The following GNAL variants were observed in gnomAD, a reference collection of about 807,000 sequenced individuals.
GNAL encodes G protein subunit alpha L.
Under a neutral mutation model 55.1 loss-of-function variants are expected in GNAL, and 18 were observed. The observed-to-expected ratio is 0.33, with a 90% confidence interval of 0.23 to 0.48. The LOEUF (loss-of-function observed/expected upper bound fraction) is 0.48, where lower values mean the gene tolerates loss of function less well. Among genes scored for constraint, GNAL ranks in the 20% least tolerant of loss-of-function variants. The pLI is 0.99. For synonymous variants in GNAL, 253 were observed against 237.0 expected (o/e 1.07, Z -0.62); for missense variants, 412 against 614.1 (o/e 0.67, Z 3.48).
At chr18:11,867,049 T>C in intron 7 of GNAL, 119 bp from the exon 8 acceptor site, 2 of 775,608 alleles carry the variant, frequency 2.6e-6, no homozygotes, top group East Asian at 5.2e-5. Context: ...TGACCCGAGC[T>C]TGACTCAAGA....
chr18:11,780,347 A>C (rs758377665), intron 4 of GNAL, among the ~76,000 whole-genome samples: 8 of 151,516 alleles, frequency 5.3e-5, no homozygotes, highest in Non-Finnish European at 1.0e-4. Flanking sequence ...GCAAATATCC[A>C]AGTTTGTTTT....
chr18:11,852,892 C>T (rs1017841468), intron 5 of GNAL: 1 of 166,912 alleles, frequency 6.0e-6, no homozygotes, highest in Non-Finnish European at 1.5e-5. Context: ...CTTAGTGTGA[C>T]ATTTGACAGT....
At chr18:11,766,332 CTG>C (rs1167389874) in intron 4 of GNAL, among the ~76,000 whole-genome samples, 2 of 152,184 alleles carry the variant, frequency 1.3e-5, no homozygotes, top group Admixed American at 1.3e-4. Flanking sequence ...ATTAAATCAA[CTG>C]TATGCATAAC....
Position 11,884,188 on chromosome 18 carries a change from C to T in GNAL, c.*3053C>T. The T allele has an allele frequency of 2.2e-6, 1 of 448,246 alleles. No individual in the cohort carries two copies. Among genetic ancestry groups the T allele is most frequent in the Non-Finnish European group, 4.1e-6 (1 of 244,508 alleles). 27.8% of individuals were successfully genotyped at this position (448,246 alleles called of 1,614,324 possible). A position where few individuals can be genotyped will look rare whatever the true frequency, so the allele number is the denominator to read the frequency against. ...ACATTAATAGCATTTACATACTGTA[C>T]AGATGCAACCTTTGATGATACATAT... On this transcript the variant is annotated 3_prime_UTR_variant, in exon 12 of 12. Coordinates refer to ENST00000334049, the MANE Select transcript of GNAL (RefSeq NM_182978.4).
chr18:11,862,284 T>C (rs1373918043), intron 5 of GNAL, 111 bp from the exon 6 acceptor site: 3 of 726,370 alleles, frequency 4.1e-6, no homozygotes, highest in Non-Finnish European at 7.4e-6. Context: ...TTCAGCTTCT[T>C]GGCCTGCCCC....
rs564883870 is a variant in GNAL, at chr18:11,715,266, T to C, written c.376+25327T>C. Among the ~76,000 whole-genome samples, 98 of 150,804 alleles carry C rather than the reference T, an allele frequency of 6.5e-4. 1 individual carries two copies. The South Asian group carries it at 0.02, about 30-fold the overall frequency. On this transcript the variant is annotated intron_variant, in intron 1 of 11. Transcript: ENST00000334049. Reference sequence around the variant, plus strand: ...CAAGGTCAGGAGATCGAGACCATCCTGGCTAACACGGTGAAACCCTGTCTC... The same window carrying C: ...CAAGGTCAGGAGATCGAGACCATCCCGGCTAACACGGTGAAACCCTGTCTC...
intron 5 of GNAL, among the ~76,000 whole-genome samples, chr18:11,855,013 C>T (rs2143803335): frequency 6.6e-6 from 1 of 151,880 alleles, no homozygotes; most frequent in East Asian, 1.9e-4. Flanking sequence ...CTCCACCTCC[C>T]AGGTTCTAGC....
intron 10 of GNAL, among the ~76,000 whole-genome samples, chr18:11,874,745 G>A (rs2036489615): frequency 6.7e-6 from 1 of 149,044 alleles, no homozygotes; most frequent in Non-Finnish European, 1.5e-5. Flanking sequence ...AAATGACATG[G>A]GCGCTCCCCA....
intron 1 of GNAL, among the ~76,000 whole-genome samples, chr18:11,735,090 A>T (rs1017556372): frequency 1.3e-5 from 2 of 151,172 alleles, no homozygotes; most frequent in Non-Finnish European, 2.9e-5. Flanking sequence ...CGCCCTTATC[A>T]CCCAGGTTAT....
At chr18:11,876,375 A>T (rs1490061224) in intron 10 of GNAL, among the ~76,000 whole-genome samples, 1 of 152,124 alleles carries the variant, frequency 6.6e-6, no homozygotes. Flanking sequence ...AGGTGGGAGA[A>T]TCACTTGAAC....
In GNAL at chr18:11,747,911, T is replaced by C. The variant is rs149525120; in HGVS notation, c.377-4942T>C. Among the ~76,000 whole-genome samples the C allele has an allele frequency of 1.4e-4, 21 of 152,096 alleles. No homozygotes were observed. In the East Asian group the frequency reaches 4.1e-3, roughly 30 times the overall value. On this transcript the variant is annotated intron_variant, in intron 1 of 11. Coordinates refer to ENST00000334049, the MANE Select transcript of GNAL (RefSeq NM_182978.4). ...GCAGCCCTGGGTCCCCGCAGGTGGG[T>C]GTGTTGCCGGGGAGCGCAATGCTGC...
chr18:11,697,582 T>C (rs1271789716), intron 1 of GNAL, among the ~76,000 whole-genome samples: 1 of 147,012 alleles, frequency 6.8e-6, no homozygotes, highest in Non-Finnish European at 1.5e-5. Flanking sequence ...GAGAGAGAGA[T>C]GTGAGGAGGC....
At chr18:11,810,752 T>G (rs1247372166) in intron 4 of GNAL, 1 of 152,488 alleles carries the variant, frequency 6.6e-6, no homozygotes, top group African/African-American at 2.4e-5. Context: ...CTGTGGCATA[T>G]TTTTCCTAGT....
In GNAL at chr18:11,852,606, G is replaced by T. The variant is rs565943555; in HGVS notation, c.723-9789G>T. The stretch of plus-strand genomic sequence containing the variant: ...TATTTCTGTTTATCCTTTGGGTTTT[G>T]GTTTTTGTTTTTTTTTTTTTTGCCT... On this transcript the variant is annotated intron_variant, in intron 5 of 11. Coordinates refer to ENST00000334049, the MANE Select transcript of GNAL (RefSeq NM_182978.4). 150 of 58,606 alleles carry T rather than the reference G, an allele frequency of 2.6e-3. 1 individual carries two copies. The highest frequency in any genetic ancestry group is 9.3e-3 in the African/African-American group (115 of 12,370). The allele number at this position is 58,606 out of a possible 1,614,324, so 3.6% of individuals were successfully genotyped here.
intron 1 of GNAL, 21 bp downstream of exon 1, chr18:11,689,960 C>T: frequency 8.0e-7 from 1 of 1,251,046 alleles, no homozygotes. Context: ...GCCGCGAGGT[C>T]GGCTGACGCC....
chr18:11,689,623 C>T lies in GNAL; in HGVS notation c.60C>T (p.Cys20=), dbSNP rs954433506. The change falls in exon 1 of 12, where the codon TGC becomes TGT. Residue 20 remains cysteine (C), a synonymous_variant. Coordinates refer to ENST00000334049, the MANE Select transcript of GNAL (RefSeq NM_182978.4). ...TCGGGGGCCCAGGGGACGACCCCTG[C>T]GCGGCCTCGGAGCCGCCGGTGGAGG... is the stretch of plus-strand genomic sequence containing the variant. The part of the protein sequence containing the change: ...LLFGGPGDDP[C]AASEPPVEDA... The T allele has an allele frequency of 1.5e-4, 209 of 1,359,056 alleles. No homozygotes were observed. The highest frequency in any genetic ancestry group is 1.9e-4 in the Non-Finnish European group (198 of 1,066,468). 84.2% of individuals were successfully genotyped at this position (1,359,056 alleles called of 1,614,324 possible). A position where few individuals can be genotyped will look rare whatever the true frequency, so the allele number is the denominator to read the frequency against.
intron 11 of GNAL, among the ~76,000 whole-genome samples, 163 bp from the exon 12 acceptor site, chr18:11,880,826 G>A (rs558978432): frequency 6.6e-5 from 10 of 152,154 alleles, no homozygotes; most frequent in East Asian, 1.9e-4. Flanking sequence ...CTGGGTCCTC[G>A]GCCGATGCTT....
chr18:11,739,846 CTTT>C (rs113354400), intron 1 of GNAL, among the ~76,000 whole-genome samples: 24 of 142,216 alleles, frequency 1.7e-4, no homozygotes, highest in African/African-American at 4.3e-4. Flanking sequence ...TGTGTGGTTA[CTTT>C]TTTTTTTTTT....
rs189265469 is a variant in GNAL, at chr18:11,876,796, A to G, written c.1230+108A>G. On this transcript the variant is annotated intron_variant, in intron 11 of 11. Coordinates refer to ENST00000334049, the MANE Select transcript of GNAL (RefSeq NM_182978.4). ...ATCTCATTTAATCTTCCTTAACATT[A>G]CGAGCGATGACAAAGGGTATGTTAC... The G allele has an allele frequency of 1.5e-5, 11 of 745,436 alleles. No homozygotes were observed. In the Admixed American group the frequency reaches 2.2e-4, roughly 15 times the overall value. The allele number at this position is 745,436 out of a possible 1,614,324, so 46.2% of individuals were successfully genotyped here. A position where few individuals can be genotyped will look rare whatever the true frequency, so the allele number is the denominator to read the frequency against.
Sources: gnomAD v4.1 joint callset for allele counts (sites outside exome capture counted in the v4.1 genomes callset) on GRCh38, gnomAD v4.1.1 for gene constraint, MANE v1.5 for transcripts, NCBI Gene and HGNC (gene_info 2026-07-23, HGNC 2026-07-21) for gene names.